The following CRTC1 variants were observed in gnomAD, a reference collection of about 807,000 sequenced individuals.
CRTC1 encodes CREB-regulated transcription coactivator 1.
In CRTC1, 18 loss-of-function variants were observed where a neutral mutation model predicts 66.1. That is an observed-to-expected ratio of 0.27 (90% CI 0.19 to 0.40). The LOEUF (loss-of-function observed/expected upper bound fraction) is 0.40. CRTC1 is among the 10% of genes least tolerant of loss of function. The probability of loss-of-function intolerance (pLI) is 1.00; values close to 1 mark genes in which losing one functional copy is unlikely to be tolerated. For synonymous variants in CRTC1, 416 were observed against 398.8 expected, an observed-to-expected ratio of 1.04 and a Z score of -0.51; for missense variants, 669 against 887.9, an observed-to-expected ratio of 0.75 and a Z score of 3.13.
chr19:18,727,727 A>AT (rs1056040489), intron 1 of CRTC1, among the ~76,000 whole-genome samples: 1 of 151,738 alleles, frequency 6.6e-6, no homozygotes, highest in African/African-American at 2.4e-5. Context: ...CTTTTATTTT[A>AT]TTTTTATTTT....
At chr19:18,720,494 C>T (rs772463299) in intron 1 of CRTC1, among the ~76,000 whole-genome samples, 11 of 151,024 alleles carry the variant, frequency 7.3e-5, no homozygotes, top group South Asian at 2.1e-4. Flanking sequence ...GGACTACAGT[C>T]GCCTGCCACC....
In CRTC1 at chr19:18,742,969, C is replaced by T. The variant is rs541696446; in HGVS notation, c.186C>T (p.Gly62=). ...GCCCCAGCCGAGGCCAGTACTATGG[C>T]GGGTCCCTGCCCAACGTGAACCAGA... ...QLGPSRGQYY[G]GSLPNVNQIG... is the part of the protein sequence containing the mutation. The change falls in exon 2 of 14, where the codon GGC becomes GGT. Residue 62 remains glycine (G), a synonymous_variant. Transcript: ENST00000321949. 9.3e-6 allele frequency: 15 copies of T among 1,613,732 alleles called. No homozygotes were observed. The highest frequency in any genetic ancestry group is 4.5e-5 in the East Asian group (2 of 44,884).
intron 1 of CRTC1, among the ~76,000 whole-genome samples, chr19:18,705,702 G>T (rs2053246584): frequency 6.6e-6 from 1 of 152,070 alleles, no homozygotes; most frequent in Admixed American, 6.6e-5. Context: ...AGTGTATAAG[G>T]ATTTCAGTTT....
At position 18,743,632 on chromosome 19, in the gene CRTC1, G is replaced by T. The variant is rs528279734; in HGVS notation, c.243+606G>T. ...GCTCTGCATGGACAGGTCCCCCTGGGGGGGGGTCACACCTACTCTGTGGCT... is the reference window on the plus strand; with the variant it reads ...GCTCTGCATGGACAGGTCCCCCTGGTGGGGGGTCACACCTACTCTGTGGCT... On this transcript the variant is annotated intron_variant, in intron 2 of 13. Transcript: ENST00000321949. 5.3e-5 allele frequency among the ~76,000 whole-genome samples: 8 copies of T among 152,176 alleles called. 1 individual carries two copies. In the South Asian group the frequency reaches 8.3e-4, roughly 16 times the overall value.
At chr19:18,765,093 T>C (rs994568973) in intron 8 of CRTC1, among the ~76,000 whole-genome samples, 5 of 152,126 alleles carry the variant, frequency 3.3e-5, no homozygotes, top group Non-Finnish European at 7.4e-5. Flanking sequence ...AAGGCTCTCA[T>C]TGGGCCAGCC....
At chr19:18,708,536 G>A (rs2053315667) in intron 1 of CRTC1, among the ~76,000 whole-genome samples, 1 of 152,228 alleles carries the variant, frequency 6.6e-6, no homozygotes, top group African/African-American at 2.4e-5. Context: ...ACCATGACGA[G>A]CCTGGTGAGG....
At chr19:18,691,522 CAAAAAAA>C (rs60633222) in intron 1 of CRTC1, among the ~76,000 whole-genome samples, 37 of 72,648 alleles carry the variant, frequency 5.1e-4, no homozygotes, top group Non-Finnish European at 7.3e-4. Context: ...CCCTTTTCTC[CAAAAAAA>C]AAAAAAAAAA....
At chr19:18,683,950 G>A (rs2052624042) in intron 1 of CRTC1, 122 bp downstream of exon 1, 1 of 243,370 alleles carries the variant, frequency 4.1e-6, no homozygotes, top group Non-Finnish European at 6.5e-6. Flanking sequence ...GCGCGGCGGG[G>A]GCGGGGCTTG....
chr19:18,702,341 G>A (rs1329058836), intron 1 of CRTC1, among the ~76,000 whole-genome samples: 1 of 150,926 alleles, frequency 6.6e-6, no homozygotes, highest in African/African-American at 2.4e-5. Flanking sequence ...TGCCTCAGCC[G>A]CCTGAGTAGC....
chr19:18,705,519 A>T (rs536567780), intron 1 of CRTC1, among the ~76,000 whole-genome samples: 30 of 152,196 alleles, frequency 2.0e-4, no homozygotes, highest in African/African-American at 6.7e-4. Flanking sequence ...GGGTTTCACC[A>T]TGTTCGCCAG....
chr19:18,765,614 T>C, intron 9 of CRTC1, 86 bp downstream of exon 9: 1 of 1,310,854 alleles, frequency 7.6e-7, no homozygotes, highest in Admixed American at 2.5e-5. Context: ...CTCCTGTTCC[T>C]TCCAGGAGGC....
chr19:18,774,005 T>C (rs772856976), intron 11 of CRTC1, among the ~76,000 whole-genome samples: 3 of 152,156 alleles, frequency 2.0e-5, no homozygotes, highest in Admixed American at 6.5e-5. Flanking sequence ...CTGGACGCCT[T>C]ATAGGGCACA....
In CRTC1 at chr19:18,765,442, G is replaced by A; in HGVS notation, c.925G>A (p.Ala309Thr). Reference protein sequence around the residue: ...TPGSSPQHRPAGVSPLSLSTE... With the variant: ...TPGSSPQHRPTGVSPLSLSTE... ...TGGCTCCTCTCCACAGCACCGCCCA[G>A]CTGGCGTCAGCCCCCTGTCCCTGAG... Residue 309 changes from alanine to threonine, a missense_variant, in exon 9 of 14, where the codon GCT (alanine) becomes ACT (threonine). By Grantham distance (58) the Ala-to-Thr change is moderately conservative. Around this residue, in one of 8 missense-constraint regions of CRTC1, gnomAD observed 241 missense variants for 242.2 expected, o/e 0.99. Coordinates refer to ENST00000321949, the MANE Select transcript of CRTC1 (RefSeq NM_015321.3). 1 of 1,612,992 alleles carries A rather than the reference G, an allele frequency of 6.2e-7. No individual in the cohort carries two copies. The highest frequency in any genetic ancestry group is 8.5e-7 in the Non-Finnish European group (1 of 1,179,846).
chr19:18,684,228 G>A (rs1402346075), intron 1 of CRTC1, among the ~76,000 whole-genome samples: 2 of 151,952 alleles, frequency 1.3e-5, no homozygotes, highest in Non-Finnish European at 1.5e-5. Context: ...AGGTGCCCCC[G>A]CATCATTGCT....
intron 1 of CRTC1, among the ~76,000 whole-genome samples, chr19:18,716,798 G>C (rs1171483915): frequency 2.0e-5 from 3 of 152,186 alleles, no homozygotes; most frequent in South Asian, 2.1e-4. Flanking sequence ...ATTTGTCCAG[G>C]CAAGAGAAGA....
At chr19:18,734,622 G>C (rs533353000) in intron 1 of CRTC1, among the ~76,000 whole-genome samples, 1 of 152,226 alleles carries the variant, frequency 6.6e-6, no homozygotes, top group African/African-American at 2.4e-5. Flanking sequence ...AGGCTGCAGT[G>C]AGCCCTGATC....
chr19:18,764,834 G>A (rs2054693330), intron 8 of CRTC1, among the ~76,000 whole-genome samples: 1 of 152,220 alleles, frequency 6.6e-6, no homozygotes, highest in Non-Finnish European at 1.5e-5. Context: ...CACATTCACT[G>A]AAGGAGGGCA....
chr19:18,744,266 G>A (rs969998279), intron 2 of CRTC1: 12 of 1,017,438 alleles, frequency 1.2e-5, no homozygotes, highest in East Asian at 5.2e-5. Flanking sequence ...CCGCCCCTGC[G>A]GCTCCCAGGG....
intron 8 of CRTC1, among the ~76,000 whole-genome samples, chr19:18,764,078 T>C (rs1031017339): frequency 6.6e-6 from 1 of 152,130 alleles, no homozygotes; most frequent in African/African-American, 2.4e-5. Context: ...TGCCAGGGCA[T>C]CCGAGGGGAA....
Sources: gnomAD v4.1 joint callset for allele counts (sites outside exome capture counted in the v4.1 genomes callset) on GRCh38, gnomAD v4.1.1 for gene constraint, gnomAD v4.1.1 regional missense constraint, MANE v1.5 for transcripts, NCBI Gene and HGNC (gene_info 2026-07-23, HGNC 2026-07-21) for gene names.